Variants in PSMD14 observed in about 807,000 individuals in gnomAD.
The protein encoded by PSMD14 is proteasome 26S subunit, non-ATPase 14.
In PSMD14, 7 loss-of-function variants were observed where a neutral mutation model predicts 41.2. The observed-to-expected ratio is 0.17, with a 90% CI of 0.10 to 0.32. The LOEUF (loss-of-function observed/expected upper bound fraction) is 0.32. PSMD14 is among the 10% of genes least tolerant of loss of function. PSMD14 has a pLI of 1.00. For synonymous variants in PSMD14, 114 were observed against 122.3 expected (o/e 0.93, Z 0.45); for missense variants, 139 against 375.6 (o/e 0.37, Z 5.21).
chr2:161,322,185 CA>C (rs1395305426), intron 3 of PSMD14, among the ~76,000 whole-genome samples: 3 of 152,148 alleles, frequency 2.0e-5, no homozygotes, highest in African/African-American at 7.2e-5. Flanking sequence ...GATTATTACG[CA>C]ACAAAGACTT....
intron 5 of PSMD14, among the ~76,000 whole-genome samples, chr2:161,369,121 CTT>C (rs1421230042): frequency 1.3e-5 from 2 of 151,888 alleles, no homozygotes; most frequent in African/African-American, 2.4e-5. Flanking sequence ...ATAAAACTAA[CTT>C]ATATATGTTA....
chr2:161,312,309 A>G (rs765074631), intron 1 of PSMD14, among the ~76,000 whole-genome samples: 1 of 151,802 alleles, frequency 6.6e-6, no homozygotes, highest in Non-Finnish European at 1.5e-5. Context: ...ACGCCCAGCT[A>G]ATTTTTGTGT....
intron 1 of PSMD14, among the ~76,000 whole-genome samples, chr2:161,309,608 C>T (rs1689066157): frequency 1.3e-5 from 2 of 152,140 alleles, no homozygotes; most frequent in Non-Finnish European, 2.9e-5. Context: ...GTAAGGCTAC[C>T]TACCAGCTGA....
intron 10 of PSMD14, chr2:161,408,551 A>C: frequency 1.4e-5 from 5 of 348,406 alleles, no homozygotes; most frequent in South Asian, 1.4e-4. Context: ...CTCCTGAAGA[A>C]TTCAGTAACA....
At chr2:161,373,851 T>C (rs1230651397) in intron 7 of PSMD14, among the ~76,000 whole-genome samples, 1 of 151,970 alleles carries the variant, frequency 6.6e-6, no homozygotes, top group East Asian at 1.9e-4. Flanking sequence ...GATTTTCTTT[T>C]ATGATGACTT....
At chr2:161,336,698 C>T (rs1344776409) in intron 3 of PSMD14, among the ~76,000 whole-genome samples, 1 of 152,106 alleles carries the variant, frequency 6.6e-6, no homozygotes, top group Non-Finnish European at 1.5e-5. Context: ...GCCTCAGCCT[C>T]CTGAGTAGCT....
intron 7 of PSMD14, chr2:161,383,045 C>CT (rs76881312): frequency 1.0e-3 from 145 of 141,600 alleles, no homozygotes; most frequent in African/African-American, 3.1e-3. Flanking sequence ...CTCACTAGGG[C>CT]TTTTTTTTTT....
intron 3 of PSMD14, among the ~76,000 whole-genome samples, chr2:161,345,150 C>T (rs559843713): frequency 1.4e-4 from 21 of 150,220 alleles, no homozygotes; most frequent in Non-Finnish European, 1.8e-4. Flanking sequence ...ATTTAATTGT[C>T]TTGGTCCCTT....
chr2:161,339,496 ATTTTT>A (rs202216505), intron 3 of PSMD14, among the ~76,000 whole-genome samples: 1 of 105,586 alleles, frequency 9.5e-6, no homozygotes, highest in African/African-American at 3.4e-5. Context: ...TTGTTAATGA[ATTTTT>A]TTTTTTTTTT....
At chr2:161,322,718 A>G (rs1209523399) in intron 3 of PSMD14, among the ~76,000 whole-genome samples, 1 of 152,072 alleles carries the variant, frequency 6.6e-6, no homozygotes, top group Non-Finnish European at 1.5e-5. Context: ...GGAGGAATTC[A>G]CAGTAATAAT....
chr2:161,387,656 G>A (rs1446537141), intron 8 of PSMD14, among the ~76,000 whole-genome samples: 2 of 152,096 alleles, frequency 1.3e-5, no homozygotes, highest in East Asian at 3.9e-4. Context: ...TCTCCATTCT[G>A]CAAGTGTATA....
intron 8 of PSMD14, among the ~76,000 whole-genome samples, chr2:161,390,008 G>T (rs1003323058): frequency 1.3e-5 from 2 of 149,056 alleles, no homozygotes; most frequent in Non-Finnish European, 3.0e-5. Flanking sequence ...GGGATTACAG[G>T]CTTGAGCCAC....
At chr2:161,355,643 C>T (rs1336110864) in intron 3 of PSMD14, among the ~76,000 whole-genome samples, 1 of 152,016 alleles carries the variant, frequency 6.6e-6, no homozygotes, top group African/African-American at 2.4e-5. Context: ...TTTTGGCAAC[C>T]AATCATCAGA....
intron 3 of PSMD14, among the ~76,000 whole-genome samples, chr2:161,331,285 C>T (rs1342306900): frequency 2.0e-5 from 3 of 148,902 alleles, no homozygotes; most frequent in South Asian, 2.1e-4. Flanking sequence ...ATTTTTAAGA[C>T]GGAGTCTCAC....
chr2:161,360,477 T>TC (rs1284166764), intron 3 of PSMD14, among the ~76,000 whole-genome samples: 1 of 151,708 alleles, frequency 6.6e-6, no homozygotes, highest in Non-Finnish European at 1.5e-5. Context: ...TGCCTCAGCC[T>TC]CCAAGTAGCT....
intron 3 of PSMD14, among the ~76,000 whole-genome samples, chr2:161,352,339 C>G (rs1683129943): frequency 6.6e-6 from 1 of 152,120 alleles, no homozygotes; most frequent in African/African-American, 2.4e-5. Context: ...CCTTGTAATT[C>G]TGAGCTATAA....
At chr2:161,372,878 A>G (rs1217480219) in intron 7 of PSMD14, among the ~76,000 whole-genome samples, 7 of 151,960 alleles carry the variant, frequency 4.6e-5, no homozygotes, top group Non-Finnish European at 1.0e-4. Flanking sequence ...AATTTTAAAT[A>G]TAATTAGAAT....
chr2:161,396,960 T>C (rs1683806812), intron 10 of PSMD14, among the ~76,000 whole-genome samples: 1 of 152,136 alleles, frequency 6.6e-6, no homozygotes, highest in South Asian at 2.1e-4. Flanking sequence ...CCCAAGTAGC[T>C]GGGATTACAG....
At chr2:161,395,297 C>G in intron 10 of PSMD14, 94 bp downstream of exon 10, 1 of 1,166,090 alleles carries the variant, frequency 8.6e-7, no homozygotes, top group South Asian at 1.5e-5. Flanking sequence ...ATAGAGAATC[C>G]TGTTTTGTAA....
Sources: allele counts gnomAD v4.1 joint callset (sites outside exome capture counted in the v4.1 genomes callset), GRCh38; gene constraint gnomAD v4.1.1; transcripts MANE v1.5; gene names NCBI Gene and HGNC (gene_info 2026-07-23, HGNC 2026-07-21).